The following TRAF3 variants were observed in gnomAD, a reference collection of about 807,000 sequenced individuals.
TRAF3 encodes the protein TNF receptor associated factor 3, also known as TNF receptor-associated factor 3.
TRAF3 carries 13 observed loss-of-function variants against 62.3 expected under a neutral mutation model. The observed-to-expected ratio is 0.21, with a 90% CI of 0.14 to 0.33. TRAF3 has a LOEUF of 0.33. Ranked by LOEUF, TRAF3 falls within the 10% of genes least tolerant of loss-of-function variation. The pLI is 1.00. For missense variants in TRAF3, 440 were observed against 741.8 expected, an observed-to-expected ratio of 0.59 and a Z score of 4.73; for synonymous variants, 269 against 283.4, an observed-to-expected ratio of 0.95 and a Z score of 0.51.
intron 2 of TRAF3, among the ~76,000 whole-genome samples, chr14:102,843,285 G>A (rs2403103): frequency 0.42 from 64,338 of 151,882 alleles, 18,757 homozygotes; most frequent in African/African-American, 0.83. Context: ...CACTAAAGGA[G>A]TATTAAAGGA....
intron 2 of TRAF3, among the ~76,000 whole-genome samples, chr14:102,837,793 A>G (rs968091259): frequency 6.6e-6 from 1 of 152,236 alleles, no homozygotes; most frequent in East Asian, 1.9e-4. Flanking sequence ...AAAGTCAGCA[A>G]AAATACTATG....
At chr14:102,806,196 G>T (rs538969636) in intron 1 of TRAF3, among the ~76,000 whole-genome samples, 1 of 152,108 alleles carries the variant, frequency 6.6e-6, no homozygotes, top group Non-Finnish European at 1.5e-5. Context: ...TGTTAGTTGC[G>T]CCAAGGTTGA....
At chr14:102,885,954 G>A (rs750916254) in intron 6 of TRAF3, among the ~76,000 whole-genome samples, 1 of 152,206 alleles carries the variant, frequency 6.6e-6, no homozygotes, top group Non-Finnish European at 1.5e-5. Context: ...AGACTGTTCT[G>A]AGGCAAGCCG....
chr14:102,830,769 G>A (rs1477160126), intron 2 of TRAF3, among the ~76,000 whole-genome samples: 1 of 152,114 alleles, frequency 6.6e-6, no homozygotes, highest in East Asian at 1.9e-4. Context: ...CTCCATTTCT[G>A]CCAGGCTGTG....
chr14:102,779,588 C>T (rs911853979), intron 1 of TRAF3, among the ~76,000 whole-genome samples: 3 of 152,190 alleles, frequency 2.0e-5, no homozygotes, highest in Non-Finnish European at 4.4e-5. Context: ...TAATTTTTCA[C>T]TGTGCAACTC....
chr14:102,788,627 G>A (rs537555610), intron 1 of TRAF3, among the ~76,000 whole-genome samples: 3 of 152,088 alleles, frequency 2.0e-5, no homozygotes, highest in Non-Finnish European at 4.4e-5. Context: ...GTGAAACCCC[G>A]TCTCTACTAA....
intron 1 of TRAF3, among the ~76,000 whole-genome samples, chr14:102,801,633 C>G (rs924513994): frequency 4.6e-5 from 7 of 152,140 alleles, no homozygotes; most frequent in African/African-American, 1.7e-4. Flanking sequence ...TTCCTGGGTT[C>G]AAGTGATCCG....
At chr14:102,777,828 G>A (rs1897085138) in intron 1 of TRAF3, among the ~76,000 whole-genome samples, 153 bp downstream of exon 1, 1 of 146,070 alleles carries the variant, frequency 6.8e-6, no homozygotes, top group East Asian at 2.0e-4. Flanking sequence ...CCGTCCCAGC[G>A]GCGACGGCGG....
chr14:102,777,778 G>C (rs1420647572), intron 1 of TRAF3, 103 bp downstream of exon 1: 2 of 144,650 alleles, frequency 1.4e-5, no homozygotes, highest in Non-Finnish European at 3.1e-5. Flanking sequence ...CGGGGGCCTC[G>C]GGGCTGCCCG....
chr14:102,787,991 A>G (rs774222916), intron 1 of TRAF3, among the ~76,000 whole-genome samples: 58 of 151,498 alleles, frequency 3.8e-4, no homozygotes, highest in Middle Eastern at 3.4e-3. Context: ...AGCTGGGATT[A>G]CAGGTATGCA....
intron 4 of TRAF3, among the ~76,000 whole-genome samples, chr14:102,872,998 T>C (rs1000889944): frequency 1.3e-5 from 2 of 152,180 alleles, no homozygotes. Flanking sequence ...AGCAATTCAT[T>C]CTTAAAGTGC....
At chr14:102,857,539 G>A (rs1887442997) in intron 2 of TRAF3, among the ~76,000 whole-genome samples, 1 of 152,220 alleles carries the variant, frequency 6.6e-6, no homozygotes, top group Admixed American at 6.5e-5. Flanking sequence ...GCCCAGCCAT[G>A]GGTTTGTACC....
chr14:102,845,972 C>A (rs1886683551), intron 2 of TRAF3, among the ~76,000 whole-genome samples: 1 of 96,436 alleles, frequency 1.0e-5, no homozygotes, highest in Admixed American at 1.5e-4. Flanking sequence ...CAGAGGTCGA[C>A]CGTGTCTCAA....
At chr14:102,876,109 G>A (rs534006395) in intron 5 of TRAF3, among the ~76,000 whole-genome samples, 1 of 152,212 alleles carries the variant, frequency 6.6e-6, no homozygotes, top group East Asian at 1.9e-4. Flanking sequence ...AAAGTTCTTA[G>A]CAGATATTCA....
At chr14:102,868,905 T>C (rs28372031) in intron 2 of TRAF3, among the ~76,000 whole-genome samples, 64,469 of 152,068 alleles carry the variant, frequency 0.42, 18,816 homozygotes, top group African/African-American at 0.83. Context: ...CTTTGTGGCT[T>C]ATTTTGAGGA....
intron 2 of TRAF3, among the ~76,000 whole-genome samples, chr14:102,866,404 T>TA (rs1345438772): frequency 2.6e-5 from 4 of 152,006 alleles, no homozygotes; most frequent in Non-Finnish European, 5.9e-5. Context: ...TCCTAGAACT[T>TA]AAAGTATAAT....
Position 102,891,404 on chromosome 14 carries a change from C to T in TRAF3, c.806C>T (p.Ser269Leu), listed in dbSNP as rs369640883. 9.9e-5 allele frequency: 160 copies of T among 1,612,218 alleles called. No homozygotes were observed. The South Asian group carries it at 1.7e-3, about 17-fold the overall frequency. ...AACCTGCTGAAGGAGTGGAGCAACT[C>T]GCTCGAAAAGAAGGTGGGCTGCACA... Reference protein sequence around the residue: ...HVNLLKEWSNSLEKKVSLLQN... With the variant: ...HVNLLKEWSNLLEKKVSLLQN... Residue 269 changes from serine (S) to leucine (L), a missense_variant, in exon 9 of 12, where the codon TCG becomes TTG. Around this residue, in one of 6 missense-constraint regions of TRAF3, gnomAD observed 255 missense variants for 424.1 expected, o/e 0.60. Coordinates refer to ENST00000392745, the MANE Select transcript of TRAF3 (RefSeq NM_145725.3).
intron 6 of TRAF3, among the ~76,000 whole-genome samples, chr14:102,884,791 G>A (rs377482340): frequency 2.0e-5 from 3 of 150,876 alleles, no homozygotes; most frequent in East Asian, 1.9e-4. Flanking sequence ...CAACTTGGGC[G>A]ACAGAGTGAG....
At chr14:102,856,888 T>C (rs1887404983) in intron 2 of TRAF3, among the ~76,000 whole-genome samples, 1 of 152,204 alleles carries the variant, frequency 6.6e-6, no homozygotes, top group Non-Finnish European at 1.5e-5. Context: ...AGCATCAATA[T>C]GGTGAGGGCC....
Sources: allele counts gnomAD v4.1 joint callset (sites outside exome capture counted in the v4.1 genomes callset), GRCh38; gene constraint gnomAD v4.1.1; regional missense constraint gnomAD v4.1.1; transcripts MANE v1.5; gene names NCBI Gene and HGNC (gene_info 2026-07-23, HGNC 2026-07-21).